The following ATXN2 variants were observed in gnomAD, a reference collection of about 807,000 sequenced individuals.
ATXN2 encodes ataxin 2.
A neutral mutation model predicts 138.6 loss-of-function variants in ATXN2; 37 were observed. The ratio of observed to expected loss-of-function variants is 0.27; its 90% CI spans 0.21 to 0.35. The LOEUF is 0.35. ATXN2 is among the 10% of genes least tolerant of loss of function. The pLI is 1.00. For synonymous variants in ATXN2, 549 were observed against 543.7 expected (o/e 1.01, Z -0.13); for missense variants, 1,216 against 1,480.3 (o/e 0.82, Z 2.93).
intron 1 of ATXN2, among the ~76,000 whole-genome samples, chr12:111,575,315 G>A (rs1770492681): frequency 6.6e-6 from 1 of 152,094 alleles, no homozygotes; most frequent in Non-Finnish European, 1.5e-5. Flanking sequence ...CCTCGTAGTA[G>A]CTGCGACTAC....
chr12:111,554,601 G>A (rs1882290696), intron 2 of ATXN2, among the ~76,000 whole-genome samples: 1 of 152,112 alleles, frequency 6.6e-6, no homozygotes, highest in Admixed American at 6.6e-5. Context: ...ATGGTGTTTT[G>A]ACTAAACATG....
chr12:111,545,384 T>C (rs937270399), intron 5 of ATXN2, among the ~76,000 whole-genome samples: 2 of 150,582 alleles, frequency 1.3e-5, no homozygotes, highest in African/African-American at 4.9e-5. Context: ...TCACTTGAGG[T>C]CAGGAGTTCG....
At chr12:111,472,946 T>G (rs1005572371) in intron 18 of ATXN2, among the ~76,000 whole-genome samples, 1 of 152,150 alleles carries the variant, frequency 6.6e-6, no homozygotes, top group East Asian at 1.9e-4. Context: ...CATGAAGACA[T>G]CAATCATTTC....
intron 1 of ATXN2, among the ~76,000 whole-genome samples, chr12:111,586,741 G>C (rs183048355): frequency 1.3e-5 from 2 of 151,208 alleles, no homozygotes; most frequent in Non-Finnish European, 2.9e-5. Flanking sequence ...GACTGGTCTC[G>C]AACTCCTGAC....
At chr12:111,553,139 CTCTTGAAAT>C (rs1882206075) in intron 3 of ATXN2, among the ~76,000 whole-genome samples, 162 bp from the exon 4 acceptor site, 1 of 152,156 alleles carries the variant, frequency 6.6e-6, no homozygotes. Context: ...ATACACTGAA[CTCTTGAAAT>C]TCTTCAGGAG....
intron 20 of ATXN2, chr12:111,468,231 G>A (rs77727861): frequency 4.3e-4 from 65 of 152,308 alleles, no homozygotes; most frequent in African/African-American, 1.3e-3. Flanking sequence ...TTCAGTCCCC[G>A]TTAAGACAAC....
intron 1 of ATXN2, among the ~76,000 whole-genome samples, chr12:111,567,857 G>A (rs1883100740): frequency 6.6e-6 from 1 of 151,980 alleles, no homozygotes; most frequent in African/African-American, 2.4e-5. Context: ...CTTATTCACT[G>A]TGTTACTTAA....
chr12:111,481,544 A>G (rs1315311275), intron 18 of ATXN2, among the ~76,000 whole-genome samples: 1 of 152,206 alleles, frequency 6.6e-6, no homozygotes, highest in African/African-American at 2.4e-5. Flanking sequence ...AAACTGGAAC[A>G]CTTGTACATT....
intron 1 of ATXN2, among the ~76,000 whole-genome samples, chr12:111,559,949 T>C (rs1464486526): frequency 2.0e-5 from 3 of 152,164 alleles, no homozygotes; most frequent in Non-Finnish European, 4.4e-5. Context: ...TCAAAGGCAC[T>C]TGGTAGGAGG....
Position 111,456,035 on chromosome 12 carries a change from T to C in ATXN2, c.3264A>G (p.Val1088=). Reference sequence around the variant, plus strand: ...TGGCTAAAGCTGGTATTACCTGAGGTACGTGGGCCATGTGGGGTGGGTTGG... The same window carrying C: ...TGGCTAAAGCTGGTATTACCTGAGGCACGTGGGCCATGTGGGGTGGGTTGG... ...AYTNPPHMAH[V]PQAHVQSGMV... is the part of the protein sequence containing the mutation. Residue 1088 remains valine (V), a synonymous_variant, in exon 23 of 25, where the codon GTA becomes GTG. Transcript: ENST00000673436. 6.2e-7 allele frequency: 1 copy of C among 1,614,042 alleles called. No individual in the cohort carries two copies. Among genetic ancestry groups the C allele is most frequent in the Middle Eastern group, 1.6e-4 (1 of 6,062 alleles).
At chr12:111,584,279 G>A (rs1488919375) in intron 1 of ATXN2, among the ~76,000 whole-genome samples, 1 of 146,580 alleles carries the variant, frequency 6.8e-6, no homozygotes, top group Non-Finnish European at 1.5e-5. Flanking sequence ...CTACTCAGGA[G>A]GCTGAGGTGG....
chr12:111,581,352 G>A (rs1291176214), intron 1 of ATXN2: 8 of 578,824 alleles, frequency 1.4e-5, no homozygotes, highest in South Asian at 7.1e-5. Context: ...CCAGCAACCC[G>A]ACCACAGCTG....
chr12:111,574,883 T>A (rs1883545309), intron 1 of ATXN2, among the ~76,000 whole-genome samples: 3 of 152,282 alleles, frequency 2.0e-5, no homozygotes, highest in African/African-American at 7.2e-5. Flanking sequence ...CAAAATACAA[T>A]GATAGTAACT....
intron 5 of ATXN2, among the ~76,000 whole-genome samples, chr12:111,538,209 T>C (rs1314121081): frequency 1.3e-5 from 2 of 151,904 alleles, no homozygotes; most frequent in East Asian, 3.8e-4. Context: ...AAGAGAAAAA[T>C]ATATCCTATT....
At chr12:111,498,522 A>G (rs1002248780) in intron 14 of ATXN2, among the ~76,000 whole-genome samples, 3 of 152,208 alleles carry the variant, frequency 2.0e-5, no homozygotes, top group African/African-American at 4.8e-5. Flanking sequence ...CAAATGAGTA[A>G]AAGATTTCTA....
At chr12:111,537,546 G>A (rs1881258966) in intron 5 of ATXN2, among the ~76,000 whole-genome samples, 1 of 150,252 alleles carries the variant, frequency 6.7e-6, no homozygotes, top group Non-Finnish European at 1.5e-5. Context: ...TCATGCCACT[G>A]CGCTCCAGCC....
intron 21 of ATXN2, 26 bp downstream of exon 21, chr12:111,464,636 A>C: frequency 1.3e-6 from 2 of 1,567,234 alleles, no homozygotes; most frequent in Non-Finnish European, 1.8e-6. Context: ...GTACAATTAA[A>C]AATTAGTATA....
chr12:111,558,297 T>A (rs989827512), intron 1 of ATXN2, among the ~76,000 whole-genome samples: 1 of 152,206 alleles, frequency 6.6e-6, no homozygotes, highest in Non-Finnish European at 1.5e-5. Context: ...TTTTCATTAG[T>A]ATCTCAAACC....
intron 16 of ATXN2, among the ~76,000 whole-genome samples, 197 bp from the exon 17 acceptor site, chr12:111,486,062 C>T (rs896765747): frequency 2.0e-5 from 3 of 152,064 alleles, no homozygotes; most frequent in African/African-American, 7.2e-5. Context: ...AAAACTTTGT[C>T]AATTAAAAAA....
Sources: allele counts gnomAD v4.1 joint callset (sites outside exome capture counted in the v4.1 genomes callset), GRCh38; gene constraint gnomAD v4.1.1; transcripts MANE v1.5; gene names NCBI Gene and HGNC (gene_info 2026-07-23, HGNC 2026-07-21).